Variants in CYB5RL observed in about 807,000 individuals in gnomAD.
CYB5RL encodes NADH-cytochrome b5 reductase-like.
CYB5RL carries 38 observed loss-of-function variants against 37.5 expected under a neutral mutation model. The observed-to-expected ratio is 1.01, with a 90% CI of 0.78 to 1.33. The LOEUF (loss-of-function observed/expected upper bound fraction) is 1.33, where lower values mean the gene tolerates loss of function less well. Among genes scored for constraint, CYB5RL ranks in the 40% most tolerant of loss-of-function variants. The pLI, the probability that CYB5RL is intolerant of heterozygous loss-of-function variation, is 0.00. For missense variants in CYB5RL, 388 were observed against 394.4 expected (o/e 0.98, Z 0.14); for synonymous variants, 141 against 151.9 (o/e 0.93, Z 0.53).
At chr1:54,199,336 A>C (rs1438419145) in intron 1 of CYB5RL, among the ~76,000 whole-genome samples, 1 of 152,246 alleles carries the variant, frequency 6.6e-6, no homozygotes, top group Non-Finnish European at 1.5e-5. Flanking sequence ...TTAGGGTGAG[A>C]AACAGTTATT....
intron 5 of CYB5RL, chr1:54,185,883 T>C (rs1326946764): frequency 6.6e-6 from 1 of 152,426 alleles, no homozygotes; most frequent in East Asian, 1.9e-4. Context: ...AAATGAATCA[T>C]GGGGGCAGGT....
intron 2 of CYB5RL, 104 bp downstream of exon 2, chr1:54,196,263 CTG>C: frequency 6.6e-6 from 1 of 152,416 alleles, no homozygotes; most frequent in Non-Finnish European, 1.5e-5. Context: ...TCACAGCTCA[CTG>C]CAGCCTCAAC....
chr1:54,183,968 T>G, intron 6 of CYB5RL, 193 bp downstream of exon 6: 1 of 343,282 alleles, frequency 2.9e-6, no homozygotes, highest in Non-Finnish European at 5.1e-6. Flanking sequence ...AGAGCGAAAC[T>G]CCGTCTCTAA....
intron 3 of CYB5RL, among the ~76,000 whole-genome samples, chr1:54,191,158 C>T (rs1274752975): frequency 6.6e-6 from 1 of 152,152 alleles, no homozygotes. Flanking sequence ...TCCTTAGCTG[C>T]CCACTCAAAG....
chr1:54,195,321 C>T (rs1643996589), intron 3 of CYB5RL, 98 bp downstream of exon 3: 1 of 1,334,072 alleles, frequency 7.5e-7, no homozygotes, highest in Non-Finnish European at 9.9e-7. Context: ...TTTTCTTCTG[C>T]TGTACAGTCA....
rs1660236224 is a variant in CYB5RL at position 54,184,224 on chromosome 1, C to T, written c.477G>A (p.Trp159Ter). 1 of 1,613,812 alleles carries T rather than the reference C, an allele frequency of 6.2e-7. No homozygotes were observed. Among genetic ancestry groups the T allele is most frequent in the Non-Finnish European group, 8.5e-7 (1 of 1,179,834 alleles). ...MGLMSRYVES[W>*]RVGDTAFWRG... ...GCCAGAAAGCTGTGTCTCCTACTCTCCAGGACTCAACATACCGGGACATCA... is the reference window on the plus strand; with the variant it reads ...GCCAGAAAGCTGTGTCTCCTACTCTTCAGGACTCAACATACCGGGACATCA... The change falls in exon 6 of 8, where the codon TGG becomes TGA. Residue 159 changes from tryptophan (W) to a stop codon, truncating the protein, a stop_gained. Coordinates refer to ENST00000534324, the MANE Select transcript of CYB5RL (RefSeq NM_001031672.4). LOFTEE classifies it high-confidence loss of function.
At chr1:54,199,369 A>G (rs907886281) in intron 1 of CYB5RL, among the ~76,000 whole-genome samples, 4 of 152,244 alleles carry the variant, frequency 2.6e-5, no homozygotes, top group African/African-American at 9.6e-5. Context: ...GATGGAAAAC[A>G]GATGGTACGG....
At chr1:54,177,297 G>A (rs1385840096) in intron 7 of CYB5RL, among the ~76,000 whole-genome samples, 3 of 152,118 alleles carry the variant, frequency 2.0e-5, no homozygotes, top group Admixed American at 6.5e-5. Flanking sequence ...AAGAGAGTGT[G>A]TACAGGCAGG....
At chr1:54,175,406 G>GA in intron 7 of CYB5RL, 1 of 276,056 alleles carries the variant, frequency 3.6e-6, no homozygotes. Flanking sequence ...GAAAGGCTAA[G>GA]CTCGCATTCC....
At chr1:54,189,307 A>G (rs1643928993) in intron 4 of CYB5RL, among the ~76,000 whole-genome samples, 1 of 152,170 alleles carries the variant, frequency 6.6e-6, no homozygotes, top group African/African-American at 2.4e-5. Context: ...TAAAACTGGT[A>G]TGTTTTAGAG....
At chr1:54,188,560 T>C (rs1643922601) in intron 4 of CYB5RL, among the ~76,000 whole-genome samples, 2 of 152,202 alleles carry the variant, frequency 1.3e-5, no homozygotes, top group Admixed American at 1.3e-4. Context: ...ATAACCACCA[T>C]GAGTCACAGT....
In CYB5RL at chr1:54,190,739, T is replaced by C. The variant is rs371191047; in HGVS notation, c.347+9A>G. ...GTGAAGCTTTGGTCCTCCCGCTACC[T>C]GAGTGTACCGTAGGATGAGGTGCTG... On this transcript the variant is annotated intron_variant, in intron 4 of 7. Transcript: ENST00000534324. 541 of 1,552,054 alleles carry C rather than the reference T, an allele frequency of 3.5e-4. 2 individuals are homozygous for C. The African/African-American group carries it at 6.0e-3, about 17-fold the overall frequency.
At chr1:54,193,041 C>A (rs1007517431) in intron 3 of CYB5RL, among the ~76,000 whole-genome samples, 5 of 152,220 alleles carry the variant, frequency 3.3e-5, no homozygotes, top group African/African-American at 1.2e-4. Context: ...AGGCATAAGC[C>A]ACCGTGCCTG....
At chr1:54,176,192 C>A (rs1660016546) in intron 7 of CYB5RL, among the ~76,000 whole-genome samples, 1 of 152,126 alleles carries the variant, frequency 6.6e-6, no homozygotes, top group African/African-American at 2.4e-5. Flanking sequence ...TGGTGTAAGC[C>A]CTGGGAGAGG....
At chr1:54,184,004 T>TAAA (rs1185084467) in intron 6 of CYB5RL, 157 bp downstream of exon 6, 2 of 457,674 alleles carry the variant, frequency 4.4e-6, no homozygotes, top group African/African-American at 4.1e-5. Flanking sequence ...AATAAATAAA[T>TAAA]AAGTGTCTAT....
chr1:54,187,908 C>A, intron 4 of CYB5RL, 169 bp from the exon 5 acceptor site: 1 of 582,942 alleles, frequency 1.7e-6, no homozygotes. Context: ...AAACCCGTCA[C>A]TACTAAAAGT....
At chr1:54,197,911 C>T (rs921441102) in intron 1 of CYB5RL, among the ~76,000 whole-genome samples, 13 of 151,448 alleles carry the variant, frequency 8.6e-5, no homozygotes, top group African/African-American at 3.2e-4. Context: ...ACCCGTAGTC[C>T]CAGCTACTCG....
In CYB5RL at chr1:54,179,248, C is replaced by A. The variant is rs1466763135; in HGVS notation, c.645G>T (p.Leu215=). 2.5e-6 allele frequency: 4 copies of A among 1,613,710 alleles called. No individual in the cohort carries two copies. In the African/African-American group the frequency reaches 5.3e-5, roughly 22 times the overall value. Residue 215 remains leucine, a synonymous_variant, in exon 7 of 8, where the codon CTG becomes CTT. Coordinates refer to ENST00000534324, the MANE Select transcript of CYB5RL (RefSeq NM_001031672.4). The stretch of plus-strand genomic sequence containing the variant: ...TCTCAAAGGTCTTGAAGCAACCGAC[C>A]AGAGTGACAAAAGTCTCGTCATTCT... The part of the protein sequence containing the change: ...DNENDETFVT[L]VGCFKTFESI...
intron 3 of CYB5RL, among the ~76,000 whole-genome samples, chr1:54,192,427 C>T (rs184411623): frequency 2.6e-4 from 40 of 151,976 alleles, no homozygotes; most frequent in African/African-American, 8.0e-4. Flanking sequence ...TCAGGTGATC[C>T]GCCCACTTTG....
Sources: allele counts gnomAD v4.1 joint callset (sites outside exome capture counted in the v4.1 genomes callset), GRCh38; gene constraint gnomAD v4.1.1; transcripts MANE v1.5; gene names NCBI Gene and HGNC (gene_info 2026-07-23, HGNC 2026-07-21).